Variants in FHIT observed in about 807,000 individuals in gnomAD.
FHIT encodes the protein fragile histidine triad diadenosine triphosphatase.
FHIT carries 19 observed loss-of-function variants against 17.9 expected under a neutral mutation model. That is an observed-to-expected ratio of 1.06 (90% confidence interval 0.74 to 1.56). FHIT has a LOEUF of 1.56. FHIT is among the 40% of genes most tolerant of loss of function. FHIT has a pLI of 0.00. For synonymous variants in FHIT, 81 were observed against 69.7 expected (o/e 1.16, Z -0.81); for missense variants, 248 against 189.2 (o/e 1.31, Z -1.82).
chr3:59,878,231 A>G (rs1038258485), intron 8 of FHIT, among the ~76,000 whole-genome samples: 3 of 152,126 alleles, frequency 2.0e-5, no homozygotes, highest in Non-Finnish European at 2.9e-5. Context: ...ATTTTTCCCA[A>G]GGCCATGGTT....
At chr3:60,730,280 G>T in intron 4 of FHIT, 3 of 263,100 alleles carry the variant, frequency 1.1e-5, no homozygotes, top group South Asian at 1.1e-4. Flanking sequence ...TTGTTCTGGT[G>T]AGCTTCTGTT....
intron 2 of FHIT, among the ~76,000 whole-genome samples, chr3:61,087,728 G>A (rs1274685895): frequency 1.3e-5 from 2 of 152,084 alleles, no homozygotes; most frequent in Admixed American, 6.5e-5. Context: ...ATTACATGTT[G>A]TAATTCATTT....
At chr3:60,101,891 C>G (rs1704205544) in intron 5 of FHIT, among the ~76,000 whole-genome samples, 1 of 152,218 alleles carries the variant, frequency 6.6e-6, no homozygotes, top group Non-Finnish European at 1.5e-5. Context: ...TTTCTTGCCT[C>G]TGAAATTTTA....
At chr3:60,333,421 A>T (rs927951491) in intron 5 of FHIT, among the ~76,000 whole-genome samples, 10 of 152,200 alleles carry the variant, frequency 6.6e-5, no homozygotes, top group African/African-American at 2.4e-4. Flanking sequence ...CACATGTGAA[A>T]AACAGTATTG....
chr3:61,027,066 A>G (rs1468257107), intron 3 of FHIT, among the ~76,000 whole-genome samples: 1 of 152,084 alleles, frequency 6.6e-6, no homozygotes, highest in East Asian at 1.9e-4. Context: ...AAATAAATAT[A>G]TGAAGCTCGT....
intron 5 of FHIT, among the ~76,000 whole-genome samples, chr3:60,048,793 T>A (rs1701758236): frequency 6.6e-6 from 1 of 152,200 alleles, no homozygotes; most frequent in African/African-American, 2.4e-5. Context: ...CGTGATGCCC[T>A]CCGATGACAT....
chr3:59,953,890 G>A (rs577538590), intron 7 of FHIT, among the ~76,000 whole-genome samples: 39 of 152,322 alleles, frequency 2.6e-4, no homozygotes, highest in Admixed American at 1.2e-3. Context: ...AGGTCCTGAT[G>A]CCTGTGGTGT....
At chr3:60,883,650 G>A (rs1283985681) in intron 3 of FHIT, among the ~76,000 whole-genome samples, 2 of 151,818 alleles carry the variant, frequency 1.3e-5, no homozygotes, top group Non-Finnish European at 2.9e-5. Context: ...TGGGAAAACT[G>A]GATATCCATA....
chr3:61,041,678 T>C (rs533914389), intron 3 of FHIT, among the ~76,000 whole-genome samples: 87 of 139,670 alleles, frequency 6.2e-4, no homozygotes, highest in South Asian at 1.4e-3. Flanking sequence ...ATTTAAAAAA[T>C]AAAGCAAAAA....
At chr3:59,950,180 A>G (rs372897085) in intron 7 of FHIT, among the ~76,000 whole-genome samples, 3 of 152,324 alleles carry the variant, frequency 2.0e-5, no homozygotes, top group African/African-American at 7.2e-5. Flanking sequence ...GCAATAACAG[A>G]GGCAAATCTC....
intron 8 of FHIT, among the ~76,000 whole-genome samples, chr3:59,814,039 T>TACAC (rs769333983): frequency 1.1e-4 from 8 of 72,852 alleles, no homozygotes; most frequent in Non-Finnish European, 2.0e-4. Flanking sequence ...TAAAAAAATT[T>TACAC]ACACATACAC....
chr3:60,511,311 T>A (rs2034942370), intron 5 of FHIT, among the ~76,000 whole-genome samples: 1 of 152,154 alleles, frequency 6.6e-6, no homozygotes, highest in Admixed American at 6.5e-5. Flanking sequence ...ATTCCATCAG[T>A]ACTGAGCTAT....
intron 8 of FHIT, among the ~76,000 whole-genome samples, chr3:59,765,206 G>A (rs930451091): frequency 6.6e-6 from 1 of 152,188 alleles, no homozygotes; most frequent in African/African-American, 2.4e-5. Context: ...CCACTCAAGG[G>A]TTTAAAGGAG....
chr3:60,884,628 A>G (rs1705127558), intron 3 of FHIT, among the ~76,000 whole-genome samples: 1 of 152,172 alleles, frequency 6.6e-6, no homozygotes, highest in African/African-American at 2.4e-5. Context: ...TTTATGTGAA[A>G]TAAGCCCAAC....
At chr3:60,406,257 T>C (rs1200061632) in intron 5 of FHIT, among the ~76,000 whole-genome samples, 1 of 152,208 alleles carries the variant, frequency 6.6e-6, no homozygotes, top group East Asian at 1.9e-4. Context: ...CAGGGCACAA[T>C]ACTAAAAACA....
intron 8 of FHIT, among the ~76,000 whole-genome samples, chr3:59,875,188 C>A (rs1703097022): frequency 6.6e-6 from 1 of 152,180 alleles, no homozygotes; most frequent in African/African-American, 2.4e-5. Flanking sequence ...TTCCAGGGAA[C>A]AATCACTCAG....
chr3:61,176,110 G>A (rs548642117), intron 2 of FHIT, among the ~76,000 whole-genome samples: 8 of 152,332 alleles, frequency 5.3e-5, no homozygotes, highest in South Asian at 4.1e-4. Flanking sequence ...AAAGGCTGAC[G>A]TGGGTTTCAG....
intron 5 of FHIT, among the ~76,000 whole-genome samples, chr3:60,511,477 A>C (rs1353893789): frequency 6.6e-6 from 1 of 152,198 alleles, no homozygotes; most frequent in Non-Finnish European, 1.5e-5. Context: ...AAAAATTTGG[A>C]AATTTTGATG....
At chr3:59,805,071 G>T (rs1403960167) in intron 8 of FHIT, among the ~76,000 whole-genome samples, 1 of 152,134 alleles carries the variant, frequency 6.6e-6, no homozygotes, top group African/African-American at 2.4e-5. Context: ...GAGGGAGAAA[G>T]AGTCCTCCTC....
Sources: gnomAD v4.1 joint callset for allele counts (sites outside exome capture counted in the v4.1 genomes callset) on GRCh38, gnomAD v4.1.1 for gene constraint, MANE v1.5 for transcripts, NCBI Gene and HGNC (gene_info 2026-07-23, HGNC 2026-07-21) for gene names.